VIPR2: variants seen among roughly 807,000 people sequenced by gnomAD.
VIPR2 encodes vasoactive intestinal peptide receptor 2.
In VIPR2, 48 loss-of-function variants were observed where a neutral mutation model predicts 58.0. The ratio of observed to expected loss-of-function variants is 0.83; its 90% CI spans 0.66 to 1.05. The LOEUF is 1.05. Ranked by LOEUF, VIPR2 falls within the 50% of genes least tolerant of loss-of-function variation. The probability of loss-of-function intolerance (pLI) is 0.00; values close to 1 mark genes in which losing one functional copy is unlikely to be tolerated. For missense variants in VIPR2, 534 were observed against 558.0 expected (o/e 0.96, Z 0.43); for synonymous variants, 243 against 235.2 (o/e 1.03, Z -0.30).
intron 4 of VIPR2, among the ~76,000 whole-genome samples, chr7:159,075,536 G>A (rs1316756742): frequency 6.6e-6 from 1 of 152,200 alleles, no homozygotes; most frequent in African/African-American, 2.4e-5. Flanking sequence ...CCCTGATGAG[G>A]GTTGAGGCCA....
chr7:159,035,674 A>G lies in VIPR2; in HGVS notation c.809+278T>C, dbSNP rs775784390. 6.2e-4 allele frequency: 610 copies of G among 984,250 alleles called. 2 individuals carry two copies. Among genetic ancestry groups the G allele is most frequent in the Non-Finnish European group, 7.0e-4 (582 of 828,988 alleles). The allele number at this position is 984,250 out of a possible 1,614,324, so 61.0% of individuals were successfully genotyped here. A position where few individuals can be genotyped will look rare whatever the true frequency, so the allele number is the denominator to read the frequency against. On this transcript the variant is annotated intron_variant, in intron 8 of 12. Coordinates refer to ENST00000262178, the MANE Select transcript of VIPR2 (RefSeq NM_003382.5). Reference sequence around the variant, plus strand: ...TTCTTCTGTGGACATCGCTGTGCCCACCGCAGGGGCTGCCCCAGTCTCTGC... The same window carrying G: ...TTCTTCTGTGGACATCGCTGTGCCCGCCGCAGGGGCTGCCCCAGTCTCTGC...
chr7:159,086,570 G>A (rs916202609), intron 4 of VIPR2, among the ~76,000 whole-genome samples: 9 of 152,240 alleles, frequency 5.9e-5, no homozygotes, highest in Admixed American at 3.3e-4. Flanking sequence ...TGAGAGACAA[G>A]CTCTCAACCC....
At chr7:159,091,999 C>T (rs149181769) in intron 4 of VIPR2, among the ~76,000 whole-genome samples, 16 of 152,278 alleles carry the variant, frequency 1.1e-4, no homozygotes, top group East Asian at 3.9e-4. Context: ...GGCTGAGGCA[C>T]GAGAATCGCT....
intron 5 of VIPR2, among the ~76,000 whole-genome samples, chr7:159,054,019 ACAGTG>A (rs2129493828): frequency 6.6e-6 from 1 of 152,344 alleles, no homozygotes; most frequent in Non-Finnish European, 1.5e-5. Context: ...ATAAACAGAA[ACAGTG>A]CAGTGGCAGA....
intron 2 of VIPR2, among the ~76,000 whole-genome samples, chr7:159,139,010 AT>A (rs1797347803): frequency 6.6e-6 from 1 of 152,208 alleles, no homozygotes; most frequent in South Asian, 2.1e-4. Flanking sequence ...GGACCAAGAA[AT>A]CACACAGTGA....
chr7:159,040,706 T>C (rs1854273591), intron 6 of VIPR2, among the ~76,000 whole-genome samples: 1 of 152,164 alleles, frequency 6.6e-6, no homozygotes, highest in Non-Finnish European at 1.5e-5. Context: ...ACAAAAAATA[T>C]ACAAAAAAAT....
intron 4 of VIPR2, among the ~76,000 whole-genome samples, chr7:159,069,528 T>A (rs1856272071): frequency 6.6e-6 from 1 of 152,214 alleles, no homozygotes; most frequent in South Asian, 2.1e-4. Context: ...TCAGGCTTTT[T>A]GAATCTGAGG....
intron 3 of VIPR2, among the ~76,000 whole-genome samples, chr7:159,106,101 G>A (rs1193114626): frequency 6.6e-6 from 1 of 152,166 alleles, no homozygotes; most frequent in Admixed American, 6.5e-5. Context: ...ACCTGAGCAG[G>A]GCACCTGCAG....
intron 4 of VIPR2, among the ~76,000 whole-genome samples, chr7:159,102,509 C>T (rs1022856590): frequency 5.9e-5 from 9 of 152,320 alleles, no homozygotes; most frequent in South Asian, 2.1e-4. Context: ...ACCTTCCAAT[C>T]GTTGGGATAT....
At chr7:159,039,527 A>G (rs1446356999) in intron 6 of VIPR2, among the ~76,000 whole-genome samples, 3 of 152,226 alleles carry the variant, frequency 2.0e-5, no homozygotes, top group East Asian at 1.9e-4. Context: ...GCCCTTTGCA[A>G]TGGGCTGGAG....
chr7:159,071,026 G>T (rs994777313), intron 4 of VIPR2, among the ~76,000 whole-genome samples: 11 of 152,294 alleles, frequency 7.2e-5, no homozygotes, highest in East Asian at 5.8e-4. Context: ...AATCCTTCCT[G>T]TAGTCAGTTT....
chr7:159,144,094 C>G (rs1036178799), intron 1 of VIPR2, among the ~76,000 whole-genome samples: 5 of 152,254 alleles, frequency 3.3e-5, no homozygotes, highest in Non-Finnish European at 4.4e-5. Context: ...AAGCAAGAAA[C>G]AAGGCTCGGG....
chr7:159,061,043 T>C (rs918842043), intron 4 of VIPR2, among the ~76,000 whole-genome samples: 2 of 152,172 alleles, frequency 1.3e-5, no homozygotes, highest in Non-Finnish European at 2.9e-5. Flanking sequence ...CATGGAATAT[T>C]ACGCAGCCAC....
chr7:159,070,470 T>C (rs1174243961), intron 4 of VIPR2, among the ~76,000 whole-genome samples: 2 of 152,180 alleles, frequency 1.3e-5, no homozygotes, highest in Non-Finnish European at 2.9e-5. Flanking sequence ...TCATGTAAGA[T>C]TTGTGTTTCT....
chr7:159,049,632 G>T (rs935466644), intron 5 of VIPR2, among the ~76,000 whole-genome samples: 1 of 152,186 alleles, frequency 6.6e-6, no homozygotes, highest in Non-Finnish European at 1.5e-5. Flanking sequence ...AAATCCTTTT[G>T]GTCTCTGAGA....
chr7:159,063,741 GC>G (rs1855870468), intron 4 of VIPR2, among the ~76,000 whole-genome samples: 1 of 144,516 alleles, frequency 6.9e-6, no homozygotes, highest in African/African-American at 2.6e-5. Flanking sequence ...GGAGGGCCTG[GC>G]GGGATCTGGG....
intron 5 of VIPR2, among the ~76,000 whole-genome samples, chr7:159,044,161 C>CTT (rs113609793): frequency 1.3e-5 from 2 of 151,050 alleles, no homozygotes; most frequent in African/African-American, 4.9e-5. Context: ...GGCACTTTTT[C>CTT]TTTTTTTTTC....
At position 159,099,864 on chromosome 7, in the gene VIPR2, A is replaced by G. The variant is rs944036370; in HGVS notation, c.357+3893T>C. On this transcript the variant is annotated intron_variant, in intron 4 of 12. Coordinates refer to ENST00000262178, the MANE Select transcript of VIPR2 (RefSeq NM_003382.5). The surrounding 1 kb of genome is among the most constrained non-coding windows in gnomAD (Gnocchi z 4.2). ...TATTATCACTGCTGTGATCTCACACACCAGAGCCGCTGTCAGCCATGGTGT... is the reference window on the plus strand; with the variant it reads ...TATTATCACTGCTGTGATCTCACACGCCAGAGCCGCTGTCAGCCATGGTGT... Among the ~76,000 whole-genome samples, 2 of 152,024 alleles carry G rather than the reference A, an allele frequency of 1.3e-5. No individual in the cohort carries two copies. Among genetic ancestry groups the G allele is most frequent in the African/African-American group, 4.8e-5 (2 of 41,372 alleles).
intron 4 of VIPR2, among the ~76,000 whole-genome samples, chr7:159,066,764 C>G (rs930041106): frequency 2.6e-5 from 4 of 152,246 alleles, no homozygotes; most frequent in Non-Finnish European, 5.9e-5. Context: ...TGGGCTAACA[C>G]ATTTTAGAAA....
Sources: allele counts gnomAD v4.1 joint callset (sites outside exome capture counted in the v4.1 genomes callset), GRCh38; gene constraint gnomAD v4.1.1; non-coding constraint Gnocchi (gnomAD v3.1); transcripts MANE v1.5; gene names NCBI Gene and HGNC (gene_info 2026-07-23, HGNC 2026-07-21).